Variants in DAB1 observed in about 807,000 individuals in gnomAD.
DAB1 encodes DAB adaptor protein 1.
In DAB1, 15 loss-of-function variants were observed where a neutral mutation model predicts 64.6. The ratio of observed to expected loss-of-function variants is 0.23; its 90% CI spans 0.16 to 0.36. The LOEUF is 0.36. Ranked by LOEUF, DAB1 falls within the 10% of genes least tolerant of loss-of-function variation. The probability of loss-of-function intolerance (pLI) is 1.00; values close to 1 mark genes in which losing one functional copy is unlikely to be tolerated. For synonymous variants in DAB1, 235 were observed against 251.9 expected (o/e 0.93, Z 0.64); for missense variants, 596 against 706.7 (o/e 0.84, Z 1.78).
intron 7 of DAB1, among the ~76,000 whole-genome samples, chr1:57,485,276 G>A (rs192076719): frequency 6.6e-6 from 1 of 152,298 alleles, no homozygotes; most frequent in East Asian, 1.9e-4. Flanking sequence ...GAGCATGGGA[G>A]AGTAGTAGTT....
upstream of DAB1, among the ~76,000 whole-genome samples, chr1:57,425,707 T>G (rs900033834): frequency 6.6e-6 from 1 of 152,142 alleles, no homozygotes; most frequent in Non-Finnish European, 1.5e-5. Flanking sequence ...CAGATGAAAT[T>G]TCCAAAAAGG....
intron 7 of DAB1, among the ~76,000 whole-genome samples, chr1:57,515,850 G>T (rs1644458279): frequency 6.6e-6 from 1 of 152,194 alleles, no homozygotes; most frequent in South Asian, 2.1e-4. Flanking sequence ...TAACTAAAAT[G>T]ATGGGCTGGG....
At chr1:57,791,529 C>T (rs910256506) in intron 6 of DAB1, among the ~76,000 whole-genome samples, 2 of 152,124 alleles carry the variant, frequency 1.3e-5, no homozygotes, top group African/African-American at 4.8e-5. Context: ...TGCTACTTAC[C>T]GTGTGAACTT....
At chr1:58,456,485 T>A (rs1306010410) in intron 3 of DAB1, among the ~76,000 whole-genome samples, 1 of 150,948 alleles carries the variant, frequency 6.6e-6, no homozygotes, top group Non-Finnish European at 1.5e-5. Flanking sequence ...GGGGTGGGAG[T>A]GGAATGGAGG....
chr1:57,161,909 G>A (rs12096519), intron 2 of DAB1, among the ~76,000 whole-genome samples: 15,344 of 151,400 alleles, frequency 0.1, 2,648 homozygotes, highest in African/African-American at 0.35. Context: ...ATCTGGCAGC[G>A]TAAATTATAT....
intron 5 of DAB1, among the ~76,000 whole-genome samples, chr1:58,098,257 AGG>A (rs1218520111): frequency 2.0e-5 from 3 of 152,166 alleles, no homozygotes; most frequent in African/African-American, 7.2e-5. Context: ...GTTTAACAGA[AGG>A]CCTATTTACA....
intron 5 of DAB1, among the ~76,000 whole-genome samples, chr1:58,035,289 A>G (rs74076012): frequency 0.04 from 6,075 of 152,334 alleles, 414 homozygotes; most frequent in African/African-American, 0.14. Flanking sequence ...ACCTGGAACA[A>G]TAAGAGCTAT....
chr1:57,745,070 TG>T (rs1648200601), intron 6 of DAB1, among the ~76,000 whole-genome samples: 1 of 152,342 alleles, frequency 6.6e-6, no homozygotes, highest in East Asian at 1.9e-4. Flanking sequence ...ATTTAGTAAT[TG>T]GTAATGACCT....
In DAB1 at chr1:57,317,027, C is replaced by T. The variant is rs111394949; in HGVS notation, c.-136-25861G>A. Among the ~76,000 whole-genome samples the T allele has an allele frequency of 4.8e-3, 724 of 152,258 alleles. 3 individuals carry two copies. Among genetic ancestry groups the T allele is most frequent in the African/African-American group, 0.016 (663 of 41,542 alleles). ...CTTGATAAATTAGGTTATAGAAAGACCCCGACTTTCATCTTGCTCTCCATC... is the reference window on the plus strand; with the variant it reads ...CTTGATAAATTAGGTTATAGAAAGATCCCGACTTTCATCTTGCTCTCCATC... On this transcript the variant is annotated intron_variant, in intron 1 of 14. Coordinates refer to ENST00000371236, the MANE Select transcript of DAB1 (RefSeq NM_001365792.1).
intron 1 of DAB1, among the ~76,000 whole-genome samples, chr1:57,358,625 A>T (rs1558233241): frequency 6.6e-6 from 1 of 152,090 alleles, no homozygotes; most frequent in African/African-American, 2.4e-5. Context: ...AGAAAAAAAA[A>T]ATCTTAAAAT....
At chr1:58,391,420 G>A (rs189054303) in intron 3 of DAB1, among the ~76,000 whole-genome samples, 1 of 152,342 alleles carries the variant, frequency 6.6e-6, no homozygotes, top group African/African-American at 2.4e-5. Context: ...CAGAGGAGGA[G>A]GGAGAACAAA....
At chr1:57,821,096 G>T (rs1461239644), downstream of DAB1, among the ~76,000 whole-genome samples, 1 of 151,966 alleles carries the variant, frequency 6.6e-6, no homozygotes, top group East Asian at 1.9e-4. Context: ...AAGCATTTCT[G>T]GACAGCTGTT....
At chr1:57,530,876 C>A (rs1229930900) in intron 7 of DAB1, among the ~76,000 whole-genome samples, 1 of 152,136 alleles carries the variant, frequency 6.6e-6, no homozygotes, top group East Asian at 1.9e-4. Context: ...TAACAGGAAA[C>A]AACAAAGACA....
chr1:57,740,087 A>G (rs1220617029), intron 6 of DAB1, among the ~76,000 whole-genome samples: 1 of 149,438 alleles, frequency 6.7e-6, no homozygotes, highest in Non-Finnish European at 1.5e-5. Flanking sequence ...GGTCGCATGC[A>G]CTTGTAGTCC....
At chr1:57,361,041 G>T (rs1001654733) in intron 1 of DAB1, among the ~76,000 whole-genome samples, 1 of 152,104 alleles carries the variant, frequency 6.6e-6, no homozygotes, top group Non-Finnish European at 1.5e-5. Context: ...CAATTAAAAT[G>T]CAGAGAGATA....
At chr1:58,127,278 T>C (rs563422151) in intron 5 of DAB1, among the ~76,000 whole-genome samples, 3 of 152,360 alleles carry the variant, frequency 2.0e-5, no homozygotes, top group East Asian at 3.9e-4. Flanking sequence ...TGTCTGTTCA[T>C]GTTCCTCGCC....
intron 1 of DAB1, among the ~76,000 whole-genome samples, chr1:57,409,147 T>C (rs1257961248): frequency 6.6e-6 from 1 of 152,140 alleles, no homozygotes; most frequent in Non-Finnish European, 1.5e-5. Context: ...CCTCCAAAGG[T>C]TCCACCTGCC....
chr1:57,461,528 G>A (rs747520643), intron 7 of DAB1, among the ~76,000 whole-genome samples: 18 of 152,100 alleles, frequency 1.2e-4, no homozygotes, highest in Non-Finnish European at 2.2e-4. Flanking sequence ...CACACTTCCT[G>A]TCTTGCACAT....
At chr1:57,683,721 A>G (rs1359599634) in intron 6 of DAB1, among the ~76,000 whole-genome samples, 1 of 152,210 alleles carries the variant, frequency 6.6e-6, no homozygotes, top group African/African-American at 2.4e-5. Context: ...TAAAAAAGCA[A>G]GAGTATCTCC....
Sources: allele counts gnomAD v4.1 joint callset (sites outside exome capture counted in the v4.1 genomes callset), GRCh38; gene constraint gnomAD v4.1.1; transcripts MANE v1.5; gene names NCBI Gene and HGNC (gene_info 2026-07-23, HGNC 2026-07-21).